The following DNAH14 variants were observed in gnomAD, a reference collection of about 807,000 sequenced individuals.
DNAH14 encodes the protein axonemal beta dynein heavy chain 14.
In DNAH14, 478 loss-of-function variants were observed where a neutral mutation model predicts 520.9. The ratio of observed to expected loss-of-function variants is 0.92; its 90% CI spans 0.85 to 0.99. DNAH14 has a LOEUF of 0.99. DNAH14 is among the 50% of genes least tolerant of loss of function. The probability of loss-of-function intolerance (pLI) is 0.00; values close to 1 mark genes in which losing one functional copy is unlikely to be tolerated. For missense variants in DNAH14, 4,831 were observed against 5,234.5 expected, an observed-to-expected ratio of 0.92 and a Z score of 2.38; for synonymous variants, 1,581 against 1,757.2, an observed-to-expected ratio of 0.90 and a Z score of 2.51.
At chr1:225,027,485 T>C (rs1357758708) in intron 11 of DNAH14, among the ~76,000 whole-genome samples, 1 of 152,260 alleles carries the variant, frequency 6.6e-6, no homozygotes, top group African/African-American at 2.4e-5. Context: ...AGGTAATTTA[T>C]AATGAGAAGA....
chr1:225,198,817 T>C (rs146123354), intron 38 of DNAH14, among the ~76,000 whole-genome samples: 5,337 of 152,244 alleles, frequency 0.035, 296 homozygotes, highest in African/African-American at 0.12. Context: ...GGTTATGTCC[T>C]TTCCTGGTTT....
intron 28 of DNAH14, among the ~76,000 whole-genome samples, chr1:225,141,699 C>T (rs1394896215): frequency 6.6e-6 from 1 of 152,120 alleles, no homozygotes. Context: ...CAGAGCTCTA[C>T]CTCCAGCCTC....
At chr1:225,045,898 C>G (rs1206768539) in intron 15 of DNAH14, among the ~76,000 whole-genome samples, 1 of 152,052 alleles carries the variant, frequency 6.6e-6, no homozygotes, top group Admixed American at 6.6e-5. Context: ...ATTTTGCCCA[C>G]TAATTCTAAC....
At chr1:224,958,860 C>A (rs1194191771) in intron 3 of DNAH14, among the ~76,000 whole-genome samples, 1 of 151,916 alleles carries the variant, frequency 6.6e-6, no homozygotes, top group African/African-American at 2.4e-5. Context: ...AGTGACCAGG[C>A]AATTGGTACT....
rs1421335870 is a variant in DNAH14, at chr1:225,333,463, C to T, written c.10037C>T (p.Ser3346Phe). 2 of 1,551,104 alleles carry T rather than the reference C, an allele frequency of 1.3e-6. No homozygotes were observed. The highest frequency in any genetic ancestry group is 3.9e-5 in the Admixed American group (2 of 50,992). The change falls in exon 66 of 86, where the codon TCT becomes TTT. Residue 3346 changes from serine to phenylalanine, a missense_variant. By Grantham distance (155) the Ser-to-Phe change is radical. Transcript: ENST00000682510. ...TFCIENGISL[S>F]SKFSLIKVMA... ...TGCATTGAAAATGGCATTTCTTTGT[C>T]TTCCAAATTCTCTTTAATTAAAGTT...
At chr1:225,270,893 GA>G (rs746425366) in intron 50 of DNAH14, 27 bp downstream of exon 50, 6 of 1,530,482 alleles carry the variant, frequency 3.9e-6, no homozygotes, top group Non-Finnish European at 3.5e-6. Context: ...ATTTTCTACT[GA>G]AAAAAATTAA....
Position 225,333,405 on chromosome 1 carries a change from C to T in DNAH14, c.9979C>T (p.Arg3327Cys), listed in dbSNP as rs766723228. The change falls in exon 66 of 86, where the codon CGC becomes TGC. Residue 3327 changes from arginine to cysteine, a missense_variant. Arg to Cys is a radical substitution (Grantham distance 180, BLOSUM62 -3). Coordinates refer to ENST00000682510, the MANE Select transcript of DNAH14 (RefSeq NM_001367479.1). ...CAGTGGAATTTTAACACCAGAATTT[C>T]GCCAGTTGATTGTGAATAAATGGGA... is the stretch of plus-strand genomic sequence containing the variant. ...VYSGILTPEF[R>C]QLIVNKWETF... is the part of the protein sequence containing the mutation. 1.8e-5 allele frequency: 28 copies of T among 1,551,412 alleles called. No individual in the cohort carries two copies. The African/African-American group carries it at 2.1e-4, about 11-fold the overall frequency.
chr1:225,217,803 G>A (rs746231813), intron 41 of DNAH14, among the ~76,000 whole-genome samples: 4 of 152,072 alleles, frequency 2.6e-5, no homozygotes, highest in East Asian at 1.9e-4. Flanking sequence ...CGTCTGTCAC[G>A]GCTTCCCTTT....
At chr1:225,308,196 A>G in intron 59 of DNAH14, 89 bp from the exon 60 acceptor site, 3 of 1,328,202 alleles carry the variant, frequency 2.3e-6, no homozygotes, top group Admixed American at 3.1e-5. Context: ...AAACTTTACC[A>G]TAGTGAAATG....
intron 41 of DNAH14, among the ~76,000 whole-genome samples, chr1:225,228,240 C>T (rs761202479): frequency 6.6e-6 from 1 of 152,114 alleles, no homozygotes; most frequent in Admixed American, 6.5e-5. Flanking sequence ...ATAACTTGGC[C>T]AAAAATGTGT....
intron 42 of DNAH14, among the ~76,000 whole-genome samples, chr1:225,233,536 A>C (rs3011692): frequency 0.15 from 22,690 of 151,968 alleles, 1,959 homozygotes; most frequent in East Asian, 0.36. Context: ...TGTGGTTTTG[A>C]TTTGCATGTC....
At chr1:225,024,449 A>G (rs963526264) in intron 11 of DNAH14, 3 of 167,666 alleles carry the variant, frequency 1.8e-5, no homozygotes, top group Non-Finnish European at 3.7e-5. Context: ...TGAAACAGGA[A>G]TATTAATTGA....
At chr1:225,185,631 AT>A (rs1296705173) in intron 37 of DNAH14, among the ~76,000 whole-genome samples, 1 of 151,896 alleles carries the variant, frequency 6.6e-6, no homozygotes, top group East Asian at 1.9e-4. Flanking sequence ...TTGTATATTT[AT>A]TTTGTATCTA....
intron 21 of DNAH14, among the ~76,000 whole-genome samples, chr1:225,089,738 C>A (rs2074204879): frequency 1.3e-5 from 2 of 152,066 alleles, no homozygotes; most frequent in South Asian, 2.1e-4. Flanking sequence ...AAGATATTCT[C>A]AGTACATTTT....
At chr1:224,978,614 A>G (rs1558580042) in intron 8 of DNAH14, among the ~76,000 whole-genome samples, 1 of 152,128 alleles carries the variant, frequency 6.6e-6, no homozygotes, top group Non-Finnish European at 1.5e-5. Flanking sequence ...ACATTTTTTC[A>G]AATAGTTAGA....
At chr1:224,970,631 A>C (rs186484970) in intron 7 of DNAH14, among the ~76,000 whole-genome samples, 124 of 152,262 alleles carry the variant, frequency 8.1e-4, no homozygotes, top group African/African-American at 2.9e-3. Context: ...TTTATTTCTC[A>C]GACTGGCCGA....
intron 69 of DNAH14, among the ~76,000 whole-genome samples, chr1:225,345,639 A>T (rs2095274497): frequency 6.6e-6 from 1 of 152,200 alleles, no homozygotes; most frequent in Admixed American, 6.5e-5. Context: ...TTCTATGTGT[A>T]TAGTGGGTCA....
chr1:225,173,855 C>A (rs933751353), intron 36 of DNAH14, among the ~76,000 whole-genome samples: 4 of 152,154 alleles, frequency 2.6e-5, no homozygotes, highest in African/African-American at 4.8e-5. Context: ...GACTTGGAAC[C>A]AATCCAAATG....
At chr1:225,178,852 G>C (rs1164751236) in intron 36 of DNAH14, among the ~76,000 whole-genome samples, 1 of 152,070 alleles carries the variant, frequency 6.6e-6, no homozygotes, top group African/African-American at 2.4e-5. Context: ...GTTGTGGGAG[G>C]GACCCAGTAG....
Sources: allele counts gnomAD v4.1 joint callset (sites outside exome capture counted in the v4.1 genomes callset), GRCh38; gene constraint gnomAD v4.1.1; transcripts MANE v1.5; gene names NCBI Gene and HGNC (gene_info 2026-07-23, HGNC 2026-07-21).